Variants in MYH3 observed in about 807,000 individuals in gnomAD.
The protein encoded by MYH3 is myosin-3.
Under a neutral mutation model 238.0 loss-of-function variants are expected in MYH3, and 130 were observed. The ratio of observed to expected loss-of-function variants is 0.55; its 90% CI spans 0.47 to 0.63. The LOEUF is 0.63. Among genes scored for constraint, MYH3 ranks in the 30% least tolerant of loss-of-function variants. The pLI, the probability that MYH3 is intolerant of heterozygous loss-of-function variation, is 0.00. For synonymous variants in MYH3, 880 were observed against 924.1 expected (o/e 0.95, Z 0.86); for missense variants, 1,853 against 2,374.9 (o/e 0.78, Z 4.57).
the MYH3 span, among the ~76,000 whole-genome samples, chr17:10,668,174 C>G: frequency 6.6e-6 from 1 of 152,230 alleles, no homozygotes; most frequent in African/African-American, 2.4e-5. Context: ...GCATGTGGAT[C>G]ACCTGAGGTC....
intron 4 of MYH3, chr17:10,652,160 T>C (rs2074382239): frequency 1.9e-6 from 1 of 536,880 alleles, no homozygotes; most frequent in Non-Finnish European, 3.4e-6. Context: ...CCACAGTTGG[T>C]AAGTCACAGC....
In MYH3 at chr17:10,631,707, C is replaced by G; in HGVS notation, c.5190G>C (p.Lys1730Asn). 6.2e-7 allele frequency: 1 copy of G among 1,614,202 alleles called. No homozygotes were observed. Among genetic ancestry groups the G allele is most frequent in the Non-Finnish European group, 8.5e-7 (1 of 1,180,044 alleles). ...QNTSLIHTKK[K>N]LETDLMQLQS... ...GGAGCTGCATGAGGTCTGTCTCCAG[C>G]TTCTTCTTGGTGTGGATGAGGCTGG... is the stretch of plus-strand genomic sequence containing the variant. The change falls in exon 36 of 41, where the codon AAG (lysine) becomes AAC (asparagine). Residue 1730 changes from lysine (K) to asparagine (N), a missense_variant. Physicochemically the swap from Lys to Asn is moderately conservative, Grantham distance 94 (BLOSUM62 0). Transcript: ENST00000583535.
chr17:10,660,532 C>T (rs1399287467), upstream of MYH3, among the ~76,000 whole-genome samples: 1 of 151,546 alleles, frequency 6.6e-6, no homozygotes, highest in African/African-American at 2.4e-5. Context: ...AAAAAATTAG[C>T]CTGGCATGGT....
intron 22 of MYH3, 79 bp downstream of exon 22, chr17:10,639,917 C>T: frequency 1.3e-6 from 2 of 1,588,754 alleles, no homozygotes; most frequent in Non-Finnish European, 1.7e-6. Context: ...CAAAAATCCC[C>T]ACCAATAACT....
rs2074243293 is a variant in MYH3 at position 10,638,936 on chromosome 17, T to C, written c.3276A>G (p.Gln1092=). ...KKKDFEYCQL[Q]SKVEDEQTLG... ...GTGTCTGCTCATCTTCCACTTTGCT[T>C]TGAAGTTGACAATATTCAAAATCTT... Residue 1092 remains glutamine (Q), a synonymous_variant, in exon 26 of 41, where the codon CAA becomes CAG. Coordinates refer to ENST00000583535, the MANE Select transcript of MYH3 (RefSeq NM_002470.4). 3.1e-6 allele frequency: 5 copies of C among 1,614,194 alleles called. No homozygotes were observed. Among genetic ancestry groups the C allele is most frequent in the East Asian group, 2.2e-5 (1 of 44,882 alleles).
chr17:10,658,233 G>A (rs1396568893), upstream of MYH3, among the ~76,000 whole-genome samples: 3 of 152,198 alleles, frequency 2.0e-5, no homozygotes, highest in Admixed American at 1.3e-4. Context: ...TATGTCGGAC[G>A]CTTTTGCCCA....
chr17:10,668,777 T>C, the MYH3 span, among the ~76,000 whole-genome samples: 1 of 152,228 alleles, frequency 6.6e-6, no homozygotes, highest in Non-Finnish European at 1.5e-5. Flanking sequence ...TCAGTAGTTT[T>C]CTGATGCTTT....
chr17:10,652,546 T>C lies in MYH3; in HGVS notation c.222A>G (p.Pro74=), dbSNP rs1296251733. 6.2e-6 allele frequency: 10 copies of C among 1,600,734 alleles called. No individual in the cohort carries two copies. Among genetic ancestry groups the C allele is most frequent in the Admixed American group, 1.7e-5 (1 of 59,516 alleles). ...GGGGGTTCATGGCGTACACATCCTC[T>C]GGTTTGACCACCAGGGTCTAAAAAG... ...TEDNRTLVVK[P]EDVYAMNPPK... is the part of the protein sequence containing the mutation. The change falls in exon 4 of 41, where the codon CCA becomes CCG. Residue 74 remains proline, a synonymous_variant. Coordinates refer to ENST00000583535, the MANE Select transcript of MYH3 (RefSeq NM_002470.4).
At chr17:10,664,212 A>ACATTTT in the MYH3 span, among the ~76,000 whole-genome samples, 1 of 152,166 alleles carries the variant, frequency 6.6e-6, no homozygotes, top group Non-Finnish European at 1.5e-5. Context: ...AATTGCTAGC[A>ACATTTT]CATTTTCGTC....
chr17:10,675,204 C>A, the MYH3 span: 1 of 152,342 alleles, frequency 6.6e-6, no homozygotes. Flanking sequence ...AGTGTGGCTA[C>A]TCTGCTCTGC....
chr17:10,633,767 A>G (rs1461689426), intron 32 of MYH3, 52 bp from the exon 33 acceptor site: 1 of 1,608,818 alleles, frequency 6.2e-7, no homozygotes, highest in African/African-American at 1.3e-5. Flanking sequence ...GTGGGTTTCC[A>G]GACATGCAAA....
chr17:10,653,339 T>C lies in MYH3; in HGVS notation c.205-776A>G, dbSNP rs903511309. Reference sequence around the variant, plus strand: ...GACCGAAGAGAATGAGGAAGGGGCATTGGATTGCCAGGCTGGTGCCCATGG... The same window carrying C: ...GACCGAAGAGAATGAGGAAGGGGCACTGGATTGCCAGGCTGGTGCCCATGG... On this transcript the variant is annotated intron_variant, in intron 3 of 40. Transcript: ENST00000583535. 6.6e-5 allele frequency among the ~76,000 whole-genome samples: 10 copies of C among 152,194 alleles called. No homozygotes were observed. The East Asian group carries it at 7.7e-4, about 12-fold the overall frequency.
At chr17:10,643,135 C>T (rs1005869432) in intron 14 of MYH3, 139 bp from the exon 15 acceptor site, 2 of 1,477,036 alleles carry the variant, frequency 1.4e-6, no homozygotes, top group African/African-American at 2.8e-5. Context: ...TCAAGGCCTG[C>T]CTCAGACCGC....
At chr17:10,638,499 AG>A (rs1463950777) in intron 26 of MYH3, 67 bp from the exon 27 acceptor site, 3 of 1,591,470 alleles carry the variant, frequency 1.9e-6, no homozygotes, top group Non-Finnish European at 2.6e-6. Context: ...TGCCAAGAAC[AG>A]GCTGGTTTCC....
rs1368566900 is a variant in MYH3 at position 10,630,306 on chromosome 17, G to A, written c.5439C>T (p.Ile1813=). 7.4e-6 allele frequency: 12 copies of A among 1,614,192 alleles called. No individual in the cohort carries two copies. Among genetic ancestry groups the A allele is most frequent in the Non-Finnish European group, 1.0e-5 (12 of 1,180,044 alleles). Residue 1813 remains isoleucine, a synonymous_variant, in exon 37 of 41, where the codon ATC becomes ATT. Transcript: ENST00000583535. ...CACACACCCTGGTCTCCAGTTTCTG[G>A]ATCTGCTTCTTCCCGCCCTTCAGCG... ...QLALKGGKKQ[I]QKLETRIREL...
At chr17:10,628,783 G>T in intron 40 of MYH3, 104 bp from the exon 41 acceptor site, 1 of 1,238,988 alleles carries the variant, frequency 8.1e-7, no homozygotes. Flanking sequence ...ACTTCAGTGG[G>T]ACACAGGATA....
At position 10,633,695 on chromosome 17, in the gene MYH3, C is replaced by G. The variant is rs370151413; in HGVS notation, c.4543G>C (p.Glu1515Gln). The change falls in exon 33 of 41, where the codon GAA (glutamate) becomes CAA (glutamine). Residue 1515 changes from glutamate to glutamine, a missense_variant. Physicochemically the swap from Glu to Gln is conservative, Grantham distance 29. Around this residue, in one of 3 missense-constraint regions of MYH3, gnomAD observed 1,044 missense variants for 1,192.6 expected, o/e 0.88. Coordinates refer to ENST00000583535, the MANE Select transcript of MYH3 (RefSeq NM_002470.4). ...GTTTTGCCATTTTCAGCAATTTGTT[C>G]TGTGAGATCTGCTATCTCCTCTGTA... is the stretch of plus-strand genomic sequence containing the variant. ...NLEQEIADLT[E>Q]QIAENGKTIH... 6.2e-6 allele frequency: 10 copies of G among 1,613,896 alleles called. No homozygotes were observed. In the African/African-American group the frequency reaches 1.2e-4, roughly 19 times the overall value.
chr17:10,642,199 C>G lies in MYH3; in HGVS notation c.1959+41G>C. 6.4e-7 allele frequency: 1 copy of G among 1,562,866 alleles called. No individual in the cohort carries two copies. Among genetic ancestry groups the G allele is most frequent in the Non-Finnish European group, 8.8e-7 (1 of 1,136,370 alleles). Reference sequence around the variant, plus strand: ...CTCAGCATTGCTCATTTAGATGTCACTTAAATCAATTATAAGCAAATAAAC... The same window carrying G: ...CTCAGCATTGCTCATTTAGATGTCAGTTAAATCAATTATAAGCAAATAAAC... On this transcript the variant is annotated intron_variant, in intron 17 of 40. Transcript: ENST00000583535. The surrounding 1 kb of genome is among the most constrained non-coding windows in gnomAD (Gnocchi z 5.4).
At chr17:10,657,888 ACTC>A (rs1318996693), upstream of MYH3, among the ~76,000 whole-genome samples, 1 of 147,910 alleles carries the variant, frequency 6.8e-6, no homozygotes, top group Non-Finnish European at 1.5e-5. Flanking sequence ...TCCTCCTTCT[ACTC>A]CTCTCCTTCT....
Sources: gnomAD v4.1 joint callset for allele counts (sites outside exome capture counted in the v4.1 genomes callset) on GRCh38, gnomAD v4.1.1 for gene constraint, gnomAD v4.1.1 regional missense constraint, Gnocchi (gnomAD v3.1) non-coding constraint, MANE v1.5 for transcripts, NCBI Gene and HGNC (gene_info 2026-07-23, HGNC 2026-07-21) for gene names.